NKAIN2: variants seen among roughly 807,000 people sequenced by gnomAD.
NKAIN2 encodes sodium/potassium-transporting ATPase subunit beta-1-interacting protein 2.
In NKAIN2, 14 loss-of-function variants were observed where a neutral mutation model predicts 32.6. The ratio of observed to expected loss-of-function variants is 0.43; its 90% CI spans 0.28 to 0.67. The LOEUF (loss-of-function observed/expected upper bound fraction) is 0.67. NKAIN2 is among the 30% of genes least tolerant of loss of function. NKAIN2 has a pLI of 0.17. For synonymous variants in NKAIN2, 80 were observed against 87.2 expected, an observed-to-expected ratio of 0.92 and a Z score of 0.46; for missense variants, 198 against 258.3, an observed-to-expected ratio of 0.77 and a Z score of 1.60.
chr6:124,486,598 A>G (rs1036291513), intron 3 of NKAIN2, among the ~76,000 whole-genome samples: 2 of 152,184 alleles, frequency 1.3e-5, no homozygotes, highest in Admixed American at 6.5e-5. Flanking sequence ...CATTCTTAAT[A>G]TTGTCTAATA....
chr6:124,240,773 C>T, intron 1 of NKAIN2, among the ~76,000 whole-genome samples: 1 of 151,946 alleles, frequency 6.6e-6, no homozygotes, highest in East Asian at 1.9e-4. Flanking sequence ...TATGACAATC[C>T]CACAGCCAGT....
chr6:124,275,374 A>G (rs1562465203), intron 1 of NKAIN2, among the ~76,000 whole-genome samples: 1 of 152,274 alleles, frequency 6.6e-6, no homozygotes, highest in East Asian at 1.9e-4. Context: ...TATTTCAGTA[A>G]TACAAATTAT....
intron 1 of NKAIN2, among the ~76,000 whole-genome samples, chr6:124,267,876 T>A (rs1411093459): frequency 6.6e-6 from 1 of 152,214 alleles, no homozygotes; most frequent in African/African-American, 2.4e-5. Flanking sequence ...ATGTGTTGAT[T>A]TCTTCACAGT....
At chr6:124,448,321 G>T (rs144205893) in intron 3 of NKAIN2, among the ~76,000 whole-genome samples, 8 of 152,072 alleles carry the variant, frequency 5.3e-5, no homozygotes, top group Non-Finnish European at 5.9e-5. Context: ...TAAACAACTT[G>T]CCATCAGACA....
intron 3 of NKAIN2, among the ~76,000 whole-genome samples, chr6:124,474,782 A>G (rs1273411562): frequency 7.5e-6 from 1 of 132,536 alleles, no homozygotes; most frequent in African/African-American, 2.6e-5. Flanking sequence ...AGATTATCTT[A>G]CCCCTGTATA....
chr6:124,674,217 A>G (rs578230187), intron 4 of NKAIN2, among the ~76,000 whole-genome samples: 21 of 151,782 alleles, frequency 1.4e-4, no homozygotes, highest in Non-Finnish European at 2.2e-4. Context: ...TCATTAGTCT[A>G]TATGTATCTG....
At chr6:124,510,172 A>C (rs1466491535) in intron 3 of NKAIN2, among the ~76,000 whole-genome samples, 1 of 151,808 alleles carries the variant, frequency 6.6e-6, no homozygotes, top group East Asian at 1.9e-4. Context: ...GATAATATTT[A>C]TTTTTACATC....
intron 1 of NKAIN2, among the ~76,000 whole-genome samples, chr6:123,985,532 C>A (rs567817556): frequency 5.2e-4 from 79 of 152,246 alleles, no homozygotes; most frequent in African/African-American, 1.8e-3. Context: ...AAGATAAACA[C>A]AATATATATG....
At chr6:124,268,544 A>G (rs968187742) in intron 1 of NKAIN2, among the ~76,000 whole-genome samples, 8 of 152,090 alleles carry the variant, frequency 5.3e-5, no homozygotes, top group African/African-American at 1.9e-4. Context: ...AAAAAACTCT[A>G]TTACTTACAT....
rs564262208 is a variant in NKAIN2 at position 124,186,189 on chromosome 6, G to GGAA, written c.55-96814_55-96812dup. 4.1e-3 allele frequency among the ~76,000 whole-genome samples: 586 copies of GGAA among 144,224 alleles called. 9 individuals carry two copies. The highest frequency in any genetic ancestry group is 0.015 in the African/African-American group (564 of 38,096). 94.6% of individuals were successfully genotyped at this position (144,224 alleles called of 152,430 possible). On this transcript the variant is annotated intron_variant, in intron 1 of 6. Coordinates refer to ENST00000368417, the MANE Select transcript of NKAIN2 (RefSeq NM_001040214.3). ...GGAGGGAGGGAAAGAAAGAAAGGAAGGAAGGAAGGAAAGAAGGAAAGAAGG... is the reference window on the plus strand; with the variant it reads ...GGAGGGAGGGAAAGAAAGAAAGGAAGGAAGAAGGAAGGAAAGAAGGAAAGAAGG...
intron 1 of NKAIN2, among the ~76,000 whole-genome samples, chr6:124,125,876 A>C (rs1410213204): frequency 2.6e-5 from 4 of 152,156 alleles, no homozygotes; most frequent in Non-Finnish European, 4.4e-5. Flanking sequence ...CTGCATTCTC[A>C]GGAGCATTCA....
At chr6:124,556,351 G>A (rs1780475547) in intron 3 of NKAIN2, among the ~76,000 whole-genome samples, 1 of 152,172 alleles carries the variant, frequency 6.6e-6, no homozygotes, top group African/African-American at 2.4e-5. Context: ...ATGTTGAAAT[G>A]TAATTGCCAT....
chr6:124,153,643 T>C (rs2114406673), intron 1 of NKAIN2, among the ~76,000 whole-genome samples: 1 of 151,870 alleles, frequency 6.6e-6, no homozygotes, highest in South Asian at 2.1e-4. Flanking sequence ...TCGATATTTT[T>C]CTTTAATTTC....
At chr6:124,468,234 T>C (rs1776838207) in intron 3 of NKAIN2, among the ~76,000 whole-genome samples, 1 of 152,162 alleles carries the variant, frequency 6.6e-6, no homozygotes, top group African/African-American at 2.4e-5. Context: ...ATTTTCAAGA[T>C]AAGTTAGACC....
At chr6:124,014,081 A>G (rs1024713320) in intron 1 of NKAIN2, among the ~76,000 whole-genome samples, 2 of 152,202 alleles carry the variant, frequency 1.3e-5, no homozygotes, top group Admixed American at 6.5e-5. Flanking sequence ...ACTAATGTAT[A>G]ATATACGTAT....
At chr6:124,654,095 T>G (rs1562307296) in intron 3 of NKAIN2, among the ~76,000 whole-genome samples, 1 of 152,088 alleles carries the variant, frequency 6.6e-6, no homozygotes, top group Non-Finnish European at 1.5e-5. Context: ...ATACTAGAAA[T>G]AGGAGATAAT....
chr6:124,158,933 C>G (rs757128775), intron 1 of NKAIN2, among the ~76,000 whole-genome samples: 1 of 152,112 alleles, frequency 6.6e-6, no homozygotes, highest in South Asian at 2.1e-4. Flanking sequence ...AGCCGTGCCA[C>G]GTAATGTTAG....
At chr6:124,135,141 C>A (rs1415564796) in intron 1 of NKAIN2, among the ~76,000 whole-genome samples, 2 of 151,668 alleles carry the variant, frequency 1.3e-5, no homozygotes, top group African/African-American at 4.8e-5. Context: ...AATCTTGAAA[C>A]AAAACCTCAA....
chr6:124,192,331 A>G (rs1239394691), intron 1 of NKAIN2, among the ~76,000 whole-genome samples: 1 of 152,044 alleles, frequency 6.6e-6, no homozygotes, highest in Non-Finnish European at 1.5e-5. Context: ...CTAATTTCTC[A>G]TTGTGATTAC....
Sources: gnomAD v4.1 joint callset for allele counts (sites outside exome capture counted in the v4.1 genomes callset) on GRCh38, gnomAD v4.1.1 for gene constraint, MANE v1.5 for transcripts, NCBI Gene and HGNC (gene_info 2026-07-23, HGNC 2026-07-21) for gene names.